Variants in OTOP1 observed in about 807,000 individuals in gnomAD.
OTOP1 encodes the protein proton channel OTOP1.
OTOP1 carries 59 observed loss-of-function variants against 52.9 expected under a neutral mutation model. That is an observed-to-expected ratio of 1.12 (90% CI 0.91 to 1.39). The LOEUF (loss-of-function observed/expected upper bound fraction) is 1.39. Among genes scored for constraint, OTOP1 ranks in the 40% most tolerant of loss-of-function variants. The probability of loss-of-function intolerance (pLI) is 0.00; values close to 1 mark genes in which losing one functional copy is unlikely to be tolerated. For missense variants in OTOP1, 761 were observed against 800.9 expected (o/e 0.95, Z 0.60); for synonymous variants, 317 against 337.7 (o/e 0.94, Z 0.67).
chr4:4,220,105 A>ATATATT (rs1434375771), intron 1 of OTOP1, among the ~76,000 whole-genome samples: 7 of 59,396 alleles, frequency 1.2e-4, no homozygotes, highest in Non-Finnish European at 2.3e-4. Context: ...ATATATATAT[A>ATATATT]TTTTTTTTTT....
intron 5 of OTOP1, among the ~76,000 whole-genome samples, chr4:4,195,278 T>C (rs971909512): frequency 2.0e-4 from 30 of 152,234 alleles, no homozygotes; most frequent in Non-Finnish European, 2.5e-4. Flanking sequence ...TCTTCACATA[T>C]TGTGTACCTC....
chr4:4,210,964 G>A (rs1210752745), intron 2 of OTOP1, among the ~76,000 whole-genome samples: 4 of 152,120 alleles, frequency 2.6e-5, no homozygotes, highest in Admixed American at 6.5e-5. Context: ...TGAGGGTTTC[G>A]GCAAATGAAT....
chr4:4,226,727 C>A lies in OTOP1; in HGVS notation c.138G>T (p.Arg46=). ...GTGGGACGCTGGCGCGCACACCGCC[C>A]CGCCGGGGGGCCGGGGATTCCGGGG... ...PRSPESPAPR[R]GGVRASVPQK... Residue 46 remains arginine (R), a synonymous_variant, in exon 1 of 6, where the codon CGG becomes CGT. Coordinates refer to ENST00000296358, the MANE Select transcript of OTOP1 (RefSeq NM_177998.3). 7.1e-7 allele frequency: 1 copy of A among 1,404,254 alleles called. No individual in the cohort carries two copies. Among genetic ancestry groups the A allele is most frequent in the South Asian group, 1.6e-5 (1 of 63,994 alleles). The allele number at this position is 1,404,254 out of a possible 1,614,324, so 87.0% of individuals were successfully genotyped here.
intron 3 of OTOP1, among the ~76,000 whole-genome samples, chr4:4,204,503 C>T (rs569531939): frequency 4.6e-5 from 7 of 152,132 alleles, no homozygotes; most frequent in African/African-American, 9.7e-5. Context: ...ACTGTTGCCA[C>T]GCATGACTCT....
intron 4 of OTOP1, among the ~76,000 whole-genome samples, chr4:4,200,723 C>CTATT (rs1716764649): frequency 9.4e-6 from 1 of 106,518 alleles, no homozygotes; most frequent in African/African-American, 3.7e-5. Context: ...GCATGCCTGC[C>CTATT]TTTTTTTTTT....
intron 5 of OTOP1, among the ~76,000 whole-genome samples, chr4:4,196,888 C>T (rs1003712443): frequency 6.6e-6 from 1 of 152,144 alleles, no homozygotes; most frequent in Non-Finnish European, 1.5e-5. Flanking sequence ...CACATGTCCT[C>T]TCTTATAAGT....
chr4:4,218,535 C>G (rs1179387378), intron 1 of OTOP1, among the ~76,000 whole-genome samples: 1 of 152,058 alleles, frequency 6.6e-6, no homozygotes, highest in African/African-American at 2.4e-5. Context: ...GGTCTCATCC[C>G]ATTAGGTAGA....
chr4:4,221,448 G>T (rs916548907), intron 1 of OTOP1, among the ~76,000 whole-genome samples: 34 of 151,362 alleles, frequency 2.2e-4, no homozygotes, highest in East Asian at 7.7e-4. Context: ...ATAAAATAAA[G>T]AAAGAAAGAA....
At chr4:4,203,587 G>T (rs530468280) in intron 3 of OTOP1, among the ~76,000 whole-genome samples, 1 of 152,348 alleles carries the variant, frequency 6.6e-6, no homozygotes, top group East Asian at 1.9e-4. Flanking sequence ...GCAGGCGAGA[G>T]ATCCATGGGG....
At chr4:4,203,696 C>G (rs1401089991) in intron 3 of OTOP1, among the ~76,000 whole-genome samples, 1 of 152,202 alleles carries the variant, frequency 6.6e-6, no homozygotes, top group Non-Finnish European at 1.5e-5. Context: ...TTTCAGGGTA[C>G]TTAGCAATGT....
chr4:4,201,970 G>A (rs1003156137), intron 4 of OTOP1, among the ~76,000 whole-genome samples: 1 of 152,184 alleles, frequency 6.6e-6, no homozygotes, highest in Non-Finnish European at 1.5e-5. Flanking sequence ...ACATGAGCTA[G>A]AATTATAAGC....
At chr4:4,221,642 C>T (rs548189380) in intron 1 of OTOP1, among the ~76,000 whole-genome samples, 1 of 152,262 alleles carries the variant, frequency 6.6e-6, no homozygotes, top group South Asian at 2.1e-4. Context: ...CCAGTGAGGG[C>T]TCATTAGTTG....
At chr4:4,198,270 T>C (rs148252161) in intron 4 of OTOP1, among the ~76,000 whole-genome samples, 167 bp from the exon 5 acceptor site, 153 of 152,316 alleles carry the variant, frequency 1.0e-3, no homozygotes, top group African/African-American at 3.6e-3. Flanking sequence ...ATGGCTAAGT[T>C]GATAGCCCTG....
intron 2 of OTOP1, 51 bp downstream of exon 2, chr4:4,212,817 G>A (rs1471352213): frequency 1.3e-6 from 2 of 1,597,940 alleles, no homozygotes; most frequent in African/African-American, 2.7e-5. Flanking sequence ...TACACAACCT[G>A]GGATACACTT....
chr4:4,224,527 G>A (rs1717381842), intron 1 of OTOP1, among the ~76,000 whole-genome samples: 1 of 152,182 alleles, frequency 6.6e-6, no homozygotes, highest in Admixed American at 6.5e-5. Context: ...AAAGGCTCAT[G>A]TGTATAATAC....
Position 4,188,976 on chromosome 4 carries a change from G to T in OTOP1, c.1669-3C>A, listed in dbSNP as rs748685757. 2 of 1,610,276 alleles carry T rather than the reference G, an allele frequency of 1.2e-6. No homozygotes were observed. The highest frequency in any genetic ancestry group is 8.5e-7 in the Non-Finnish European group (1 of 1,178,270). On this transcript the variant is annotated splice_region_variant and splice_polypyrimidine_tract_variant and intron_variant, in intron 5 of 5. Coordinates refer to ENST00000296358, the MANE Select transcript of OTOP1 (RefSeq NM_177998.3). Reference sequence around the variant, plus strand: ...CCAAAGGCGGGAGGTATCCAAAGCTGCAAGAGAAGAGAAAATGGCATGTGG... The same window carrying T: ...CCAAAGGCGGGAGGTATCCAAAGCTTCAAGAGAAGAGAAAATGGCATGTGG...
intron 4 of OTOP1, among the ~76,000 whole-genome samples, chr4:4,199,141 A>G (rs1349500615): frequency 6.6e-6 from 1 of 151,936 alleles, no homozygotes; most frequent in Non-Finnish European, 1.5e-5. Context: ...GTGAGCTGAG[A>G]TCGTGCCACT....
chr4:4,201,687 G>A (rs956574636), intron 4 of OTOP1, among the ~76,000 whole-genome samples: 1 of 152,108 alleles, frequency 6.6e-6, no homozygotes, highest in African/African-American at 2.4e-5. Flanking sequence ...CTTGCTGCAT[G>A]TTAAAGCCGG....
chr4:4,209,679 A>G (rs903580547), intron 2 of OTOP1, among the ~76,000 whole-genome samples: 3 of 152,130 alleles, frequency 2.0e-5, no homozygotes, highest in African/African-American at 7.2e-5. Context: ...AGCCTATGAA[A>G]TAGGTACTGT....
Sources: gnomAD v4.1 joint callset for allele counts (sites outside exome capture counted in the v4.1 genomes callset) on GRCh38, gnomAD v4.1.1 for gene constraint, MANE v1.5 for transcripts, NCBI Gene and HGNC (gene_info 2026-07-23, HGNC 2026-07-21) for gene names.